ZNF28: variants seen among roughly 807,000 people sequenced by gnomAD.
The protein encoded by ZNF28 is zinc finger protein KOX24.
In ZNF28, 5 loss-of-function variants were observed where a neutral mutation model predicts 7.2. The ratio of observed to expected loss-of-function variants is 0.70; its 90% CI spans 0.36 to 1.46. The LOEUF is 1.46. Ranked by LOEUF, ZNF28 falls within the 40% of genes most tolerant of loss-of-function variation. ZNF28 has a pLI of 0.03. For synonymous variants in ZNF28, 288 were observed against 292.4 expected, an observed-to-expected ratio of 0.99 and a Z score of 0.15; for missense variants, 879 against 866.6, an observed-to-expected ratio of 1.01 and a Z score of -0.18.
rs958255193 is a variant in ZNF28 at position 52,820,298 on chromosome 19, T to C, written c.-74+1288A>G. Among the ~76,000 whole-genome samples, 14 of 134,844 alleles carry C rather than the reference T, an allele frequency of 1.0e-4. No homozygotes were observed. In the South Asian group the frequency reaches 2.9e-3, roughly 28 times the overall value. 88.5% of individuals were successfully genotyped at this position (134,844 alleles called of 152,430 possible). On this transcript the variant is annotated intron_variant, in intron 1 of 3. Coordinates refer to ENST00000457749, the MANE Select transcript of ZNF28 (RefSeq NM_006969.5). ...GCGCCCGGCTAATTTTTTGTATTTTTAGTAGAGACGGGGTTTCACCTTGTT... is the reference window on the plus strand; with the variant it reads ...GCGCCCGGCTAATTTTTTGTATTTTCAGTAGAGACGGGGTTTCACCTTGTT...
intron 2 of ZNF28, among the ~76,000 whole-genome samples, chr19:52,812,513 A>G (rs1310503139): frequency 4.8e-5 from 6 of 124,502 alleles, no homozygotes; most frequent in African/African-American, 1.0e-4. Context: ...ACTCAGGGTT[A>G]AATGGATTAA....
rs147167849 is a variant in ZNF28 at position 52,809,316 on chromosome 19, CAT to C, written c.16-1185_16-1184del. Among the ~76,000 whole-genome samples, 833 of 152,328 alleles carry C rather than the reference CAT, an allele frequency of 5.5e-3. 8 individuals are homozygous for C. The highest frequency in any genetic ancestry group is 0.017 in the African/African-American group (724 of 41,566). On this transcript the variant is annotated intron_variant, in intron 2 of 3. Coordinates refer to ENST00000457749, the MANE Select transcript of ZNF28 (RefSeq NM_006969.5). ...ATACAGGGAAAAGTTGCAAAGGACA[CAT>C]GTGTTGTCATTCAGCCAATTTCCAA...
At chr19:52,812,240 C>T (rs1449269554) in intron 2 of ZNF28, among the ~76,000 whole-genome samples, 1 of 136,894 alleles carries the variant, frequency 7.3e-6, no homozygotes, top group South Asian at 2.4e-4. Context: ...CCCCTCTGCC[C>T]GGCCACGACC....
rs1485771320 is a variant in ZNF28, at chr19:52,799,818, G to T, written c.2027C>A (p.Ala676Glu). 4.3e-6 allele frequency: 7 copies of T among 1,613,930 alleles called. No homozygotes were observed. Among genetic ancestry groups the T allele is most frequent in the Non-Finnish European group, 3.4e-6 (4 of 1,180,008 alleles). The change falls in exon 4 of 4, where the codon GCA becomes GAA. Residue 676 changes from alanine to glutamate, a missense_variant. By Grantham distance (107) the Ala-to-Glu change is moderately radical. Coordinates refer to ENST00000457749, the MANE Select transcript of ZNF28 (RefSeq NM_006969.5). ...AACTCTCTGATGCTGTGCAAGGTGT[G>T]CTTGTTGATTAAAAACCTTGCCACA... is the stretch of plus-strand genomic sequence containing the variant. ...NECGKVFNQQ[A>E]HLAQHQRVHT...
intron 2 of ZNF28, chr19:52,810,755 G>GAA (rs11454962): frequency 3.8e-5 from 18 of 471,230 alleles, no homozygotes; most frequent in Admixed American, 2.3e-4. Flanking sequence ...GAAAGAAGGG[G>GAA]AAAAAAAAAG....
At chr19:52,807,927 A>G in intron 3 of ZNF28, 80 bp downstream of exon 3, 2 of 1,599,496 alleles carry the variant, frequency 1.3e-6, no homozygotes, top group South Asian at 2.2e-5. Flanking sequence ...ATTTTAGTCA[A>G]GTAAGGATGT....
chr19:52,820,679 T>TC (rs1456471770), intron 1 of ZNF28, among the ~76,000 whole-genome samples: 1 of 152,158 alleles, frequency 6.6e-6, no homozygotes, highest in Non-Finnish European at 1.5e-5. Context: ...CTGATGAGCC[T>TC]CCACATTTCT....
At chr19:52,805,994 G>C (rs2062932567) in intron 3 of ZNF28, 2 of 151,854 alleles carry the variant, frequency 1.3e-5, no homozygotes, top group South Asian at 2.1e-4. Context: ...AATACATAAA[G>C]TAATTAATTA....
chr19:52,801,195 C>T lies in ZNF28; in HGVS notation c.650G>A (p.Cys217Tyr), dbSNP rs143289804. 2.7e-4 allele frequency: 441 copies of T among 1,614,114 alleles called. 3 individuals carry two copies. The African/African-American group carries it at 5.3e-3, about 20-fold the overall frequency. ...ATTAAAGGATTTGCCACTCTCAATA[C>T]ATTGGAAAGATTTTTCTCTCATGTG... The part of the protein sequence containing the change: ...NVHMREKSFQ[C>Y]IESGKSFNCS... Residue 217 changes from cysteine (C) to tyrosine (Y), a missense_variant, in exon 4 of 4, where the codon TGT becomes TAT. This residue lies in a region of ZNF28 where 864 missense variants were observed against 830.2 expected (regional missense o/e 1.04). Transcript: ENST00000457749.
At chr19:52,807,746 A>G (rs1201394975) in intron 3 of ZNF28, 5 of 567,622 alleles carry the variant, frequency 8.8e-6, no homozygotes, top group Non-Finnish European at 1.5e-5. Flanking sequence ...AGGTGCTGGG[A>G]TAACAGGCGT....
chr19:52,798,768 T>G lies in ZNF28; in HGVS notation c.*920A>C. 1 of 650,276 alleles carries G rather than the reference T, an allele frequency of 1.5e-6. No individual in the cohort carries two copies. Among genetic ancestry groups the G allele is most frequent in the Non-Finnish European group, 2.7e-6 (1 of 372,412 alleles). 40.3% of individuals were successfully genotyped at this position (650,276 alleles called of 1,614,324 possible). A position where few individuals can be genotyped will look rare whatever the true frequency, so the allele number is the denominator to read the frequency against. ...AAAAATCTGTCACATTTATTACACT[T>G]GTAAGATCTCTCATTATGGATTCTC... On this transcript the variant is annotated 3_prime_UTR_variant, in exon 4 of 4. Transcript: ENST00000457749.
chr19:52,820,891 T>C (rs2063188738), intron 1 of ZNF28, among the ~76,000 whole-genome samples: 1 of 152,106 alleles, frequency 6.6e-6, no homozygotes, highest in Admixed American at 6.5e-5. Flanking sequence ...GGTTTTCTAC[T>C]GCTCTCTTAG....
intron 2 of ZNF28, chr19:52,810,606 C>G: frequency 6.6e-7 from 1 of 1,505,976 alleles, no homozygotes; most frequent in Non-Finnish European, 9.2e-7. Flanking sequence ...CCACCAACTA[C>G]AGCAGTTCCT....
At chr19:52,801,938 C>T (rs1229676502) in intron 3 of ZNF28, among the ~76,000 whole-genome samples, 1 of 152,052 alleles carries the variant, frequency 6.6e-6, no homozygotes, top group African/African-American at 2.4e-5. Flanking sequence ...TGACAGGGCA[C>T]AAACATGTGT....
intron 2 of ZNF28, 70 bp from the exon 3 acceptor site, chr19:52,808,203 A>T: frequency 6.3e-7 from 1 of 1,591,364 alleles, no homozygotes. Flanking sequence ...ATGACAAGAG[A>T]GGGGGAAAGC....
intron 2 of ZNF28, among the ~76,000 whole-genome samples, chr19:52,816,080 G>T (rs867567491): frequency 6.8e-5 from 10 of 147,580 alleles, no homozygotes; most frequent in Admixed American, 1.4e-4. Flanking sequence ...ATAGTGGCTC[G>T]CCAGTGAGGC....
chr19:52,808,022 T>C lies in ZNF28; in HGVS notation c.127A>G (p.Asn43Asp). The C allele has an allele frequency of 6.2e-7, 1 of 1,613,466 alleles. No homozygotes were observed. ...TTATCCTCACCCAGGGAGACCAGGTTCCTATAATTCTCCAGCATCACATCC... is the reference window on the plus strand; with the variant it reads ...TTATCCTCACCCAGGGAGACCAGGTCCCTATAATTCTCCAGCATCACATCC... ...YRDVMLENYRNLVSLDISSKC... is the reference protein window; with the variant it reads ...YRDVMLENYRDLVSLDISSKC... The change falls in exon 3 of 4, where the codon AAC (asparagine) becomes GAC (aspartate). Residue 43 changes from asparagine (N) to aspartate (D), a missense_variant. Around this residue, in one of 2 missense-constraint regions of ZNF28, gnomAD observed 864 missense variants for 830.2 expected, o/e 1.04. Transcript: ENST00000457749.
intron 3 of ZNF28, chr19:52,805,644 A>AAATAAATG (rs1189416249): frequency 1.5e-4 from 2 of 13,330 alleles, no homozygotes; most frequent in Non-Finnish European, 2.8e-4. Context: ...ATAATAATAA[A>AAATAAATG]AATAAATAAA....
intron 2 of ZNF28, chr19:52,809,806 C>G: frequency 2.2e-6 from 1 of 455,626 alleles, no homozygotes. Context: ...AAAAAGGAGC[C>G]CAGTCTGAGC....
Sources: allele counts gnomAD v4.1 joint callset (sites outside exome capture counted in the v4.1 genomes callset), GRCh38; gene constraint gnomAD v4.1.1; regional missense constraint gnomAD v4.1.1; transcripts MANE v1.5; gene names NCBI Gene and HGNC (gene_info 2026-07-23, HGNC 2026-07-21).